The following PLA2G2E variants were observed in gnomAD, a reference collection of about 807,000 sequenced individuals.
The protein encoded by PLA2G2E is group IIE secretory phospholipase A2.
PLA2G2E carries 14 observed loss-of-function variants against 16.5 expected under a neutral mutation model. That is an observed-to-expected ratio of 0.85 (90% CI 0.56 to 1.33). The LOEUF (loss-of-function observed/expected upper bound fraction) is 1.33, where lower values mean the gene tolerates loss of function less well. Among genes scored for constraint, PLA2G2E ranks in the 40% most tolerant of loss-of-function variants. The pLI is 0.00. For missense variants in PLA2G2E, 174 were observed against 190.7 expected, an observed-to-expected ratio of 0.91 and a Z score of 0.52; for synonymous variants, 72 against 77.2, an observed-to-expected ratio of 0.93 and a Z score of 0.36.
At chr1:19,921,144 G>T (rs1356668191) in intron 3 of PLA2G2E, among the ~76,000 whole-genome samples, 1 of 152,196 alleles carries the variant, frequency 6.6e-6, no homozygotes, top group Non-Finnish European at 1.5e-5. Flanking sequence ...TTGTCCCCAT[G>T]ACTGTATCTC....
intron 1 of PLA2G2E, 26 bp from the exon 2 acceptor site, chr1:19,922,781 G>GGGCCCC: frequency 4.4e-6 from 7 of 1,609,104 alleles, no homozygotes; most frequent in South Asian, 1.1e-5. Context: ...GGGAGAGGGA[G>GGGCCCC]AGGGAGGGCC....
Position 19,920,183 on chromosome 1 carries a change from G to T in PLA2G2E, c.*124C>A, listed in dbSNP as rs1410392407. ...GGACATATCTCTGAGCTCTCAAGGA[G>T]GGATGAGTTTGCAGGAAAGGAATTT... On this transcript the variant is annotated 3_prime_UTR_variant, in exon 4 of 4. Transcript: ENST00000375116. The surrounding 1 kb of genome is among the most constrained non-coding windows in gnomAD (Gnocchi z 4.3). 2 of 776,364 alleles carry T rather than the reference G, an allele frequency of 2.6e-6. No homozygotes were observed. Among genetic ancestry groups the T allele is most frequent in the Admixed American group, 4.8e-5 (2 of 41,296 alleles). The allele number at this position is 776,364 out of a possible 1,614,324, so 48.1% of individuals were successfully genotyped here.
Position 19,922,663 on chromosome 1 carries a change from A to G in PLA2G2E, c.133T>C (p.Tyr45His). The change falls in exon 2 of 4, where the codon TAC becomes CAC. Residue 45 changes from tyrosine to histidine, a missense_variant. Tyr to His is a moderately conservative substitution (Grantham distance 83, BLOSUM62 2). Coordinates refer to ENST00000375116, the MANE Select transcript of PLA2G2E (RefSeq NM_014589.3). ...CAGTGGGAGCCACCGATGCCGCAGT[A>G]ACAGCCATAGTCGTTGTACTGCAGG... ...SALQYNDYGC[Y>H]CGIGGSHWPV... 1.2e-6 allele frequency: 2 copies of G among 1,614,048 alleles called. No homozygotes were observed. Among genetic ancestry groups the G allele is most frequent in the Non-Finnish European group, 1.7e-6 (2 of 1,179,978 alleles).
intron 1 of PLA2G2E, 26 bp from the exon 2 acceptor site, chr1:19,922,781 G>T: frequency 6.2e-7 from 1 of 1,609,106 alleles, no homozygotes. Flanking sequence ...GGGAGAGGGA[G>T]AGGGAGGGCC....
chr1:19,920,177 CAAG>C lies in PLA2G2E; in HGVS notation c.*127_*129del. 1 of 759,604 alleles carries C rather than the reference CAAG, an allele frequency of 1.3e-6. No homozygotes were observed. The highest frequency in any genetic ancestry group is 2.1e-6 in the Non-Finnish European group (1 of 468,798). The allele number at this position is 759,604 out of a possible 1,614,324, so 47.1% of individuals were successfully genotyped here. ...GGTCCAGGACATATCTCTGAGCTCT[CAAG>C]GAGGGATGAGTTTGCAGGAAAGGAA... On this transcript the variant is annotated 3_prime_UTR_variant, in exon 4 of 4. Transcript: ENST00000375116. This position sits in a 1 kb window ranked among gnomAD's most constrained non-coding sequence, Gnocchi z 4.3.
intron 2 of PLA2G2E, 22 bp downstream of exon 2, chr1:19,922,595 C>G: frequency 6.2e-7 from 1 of 1,613,226 alleles, no homozygotes; most frequent in Non-Finnish European, 8.5e-7. Flanking sequence ...CATGGAGGTC[C>G]CCCTGCAGGC....
At chr1:19,921,673 C>G (rs992725039) in intron 3 of PLA2G2E, among the ~76,000 whole-genome samples, 5 of 152,268 alleles carry the variant, frequency 3.3e-5, no homozygotes, top group African/African-American at 1.2e-4. Flanking sequence ...ATCCGCCCAC[C>G]AGGCCCTGCC....
rs941879938 is a variant in PLA2G2E at position 19,920,600 on chromosome 1, A to G, written c.287-151T>C. The G allele has an allele frequency of 1.4e-6, 1 of 739,594 alleles. No individual in the cohort carries two copies. The highest frequency in any genetic ancestry group is 1.8e-5 in the African/African-American group (1 of 56,812). 45.8% of individuals were successfully genotyped at this position (739,594 alleles called of 1,614,324 possible). A position where few individuals can be genotyped will look rare whatever the true frequency, so the allele number is the denominator to read the frequency against. ...GGGTTGTTTCACGGATGGGTGAGACAAGAGACAAGGGCGGGGCGCACTGTG... is the reference window on the plus strand; with the variant it reads ...GGGTTGTTTCACGGATGGGTGAGACGAGAGACAAGGGCGGGGCGCACTGTG... On this transcript the variant is annotated intron_variant, in intron 3 of 3. Coordinates refer to ENST00000375116, the MANE Select transcript of PLA2G2E (RefSeq NM_014589.3). The surrounding 1 kb of genome is among the most constrained non-coding windows in gnomAD (Gnocchi z 4.3).
Position 19,922,643 on chromosome 1 carries a change from G to C in PLA2G2E, c.153C>G (p.Ser51=). ...DYGCYCGIGG[S]HWPVDQTDWC... ...AGTCAGTCTGGTCCACCGGCCAGTGGGAGCCACCGATGCCGCAGTAACAGC... is the reference window on the plus strand; with the variant it reads ...AGTCAGTCTGGTCCACCGGCCAGTGCGAGCCACCGATGCCGCAGTAACAGC... Residue 51 remains serine, a synonymous_variant, in exon 2 of 4, where the codon TCC becomes TCG. Coordinates refer to ENST00000375116, the MANE Select transcript of PLA2G2E (RefSeq NM_014589.3). The C allele has an allele frequency of 6.2e-7, 1 of 1,614,050 alleles. No homozygotes were observed. The highest frequency in any genetic ancestry group is 1.1e-5 in the South Asian group (1 of 91,076).
Position 19,922,700 on chromosome 1 carries a change from T to C in PLA2G2E, c.96A>G (p.Thr32=). Reference sequence around the variant, plus strand: ...CGTTGTACTGCAGGGCGGACTTGCCTGTCATCTTCTCGATCATCACCCCAA... The same window carrying C: ...CGTTGTACTGCAGGGCGGACTTGCCCGTCATCTTCTCGATCATCACCCCAA... ...VQFGVMIEKM[T]GKSALQYNDY... Residue 32 remains threonine (T), a synonymous_variant, in exon 2 of 4, where the codon ACA becomes ACG. Coordinates refer to ENST00000375116, the MANE Select transcript of PLA2G2E (RefSeq NM_014589.3). 1 of 1,614,010 alleles carries C rather than the reference T, an allele frequency of 6.2e-7. No homozygotes were observed.
Position 19,920,264 on chromosome 1 carries a change from C to T in PLA2G2E, c.*43G>A, listed in dbSNP as rs1485137325. On this transcript the variant is annotated 3_prime_UTR_variant, in exon 4 of 4. Coordinates refer to ENST00000375116, the MANE Select transcript of PLA2G2E (RefSeq NM_014589.3). This position sits in a 1 kb window ranked among gnomAD's most constrained non-coding sequence, Gnocchi z 4.3. The stretch of plus-strand genomic sequence containing the variant: ...CCCCAGGCCTGGGACTACAGCAGCC[C>T]GAGGCGGGACCTCCAGGGACGGGGG... 6.3e-6 allele frequency: 10 copies of T among 1,577,632 alleles called. No individual in the cohort carries two copies. Among genetic ancestry groups the T allele is most frequent in the East Asian group, 2.2e-5 (1 of 44,486 alleles).
intron 1 of PLA2G2E, among the ~76,000 whole-genome samples, 161 bp downstream of exon 1, chr1:19,923,359 C>G (rs1219658990): frequency 1.3e-5 from 2 of 152,242 alleles, no homozygotes; most frequent in African/African-American, 2.4e-5. Context: ...CCACCGCTGG[C>G]TCAGGCAAAA....
rs139719874 is a variant in PLA2G2E, at chr1:19,922,657, C to T, written c.139G>A (p.Gly47Ser). ...LQYNDYGCYC[G>S]IGGSHWPVDQ... ...ACCGGCCAGTGGGAGCCACCGATGC[C>T]GCAGTAACAGCCATAGTCGTTGTAC... Residue 47 changes from glycine to serine, a missense_variant, in exon 2 of 4, where the codon GGC (glycine) becomes AGC (serine). Transcript: ENST00000375116. 3.6e-5 allele frequency: 58 copies of T among 1,614,078 alleles called. No individual in the cohort carries two copies. In the African/African-American group the frequency reaches 6.5e-4, roughly 18 times the overall value.
Position 19,920,123 on chromosome 1 carries a change from G to A in PLA2G2E, c.*184C>T. The stretch of plus-strand genomic sequence containing the variant: ...CTCCTGGGGCAGGGTTCTTTCTACA[G>A]AGAAGGGGTAGCCTGGGAGGCTAGT... On this transcript the variant is annotated 3_prime_UTR_variant, in exon 4 of 4. Coordinates refer to ENST00000375116, the MANE Select transcript of PLA2G2E (RefSeq NM_014589.3). The surrounding 1 kb of genome is among the most constrained non-coding windows in gnomAD (Gnocchi z 4.3). 1 of 593,430 alleles carries A rather than the reference G, an allele frequency of 1.7e-6. No homozygotes were observed. The highest frequency in any genetic ancestry group is 2.9e-6 in the Non-Finnish European group (1 of 339,538). The allele number at this position is 593,430 out of a possible 1,614,324, so 36.8% of individuals were successfully genotyped here. A position where few individuals can be genotyped will look rare whatever the true frequency, so the allele number is the denominator to read the frequency against.
rs1176320005 is a variant in PLA2G2E, at chr1:19,920,920, C to A, written c.287-471G>T. 6.6e-6 allele frequency among the ~76,000 whole-genome samples: 1 copy of A among 152,218 alleles called. No homozygotes were observed. Among genetic ancestry groups the A allele is most frequent in the Non-Finnish European group, 1.5e-5 (1 of 68,042 alleles). On this transcript the variant is annotated intron_variant, in intron 3 of 3. Transcript: ENST00000375116. The surrounding 1 kb of genome is among the most constrained non-coding windows in gnomAD (Gnocchi z 4.3). ...GGCCTAGGCTGGAAGCCACTGGGAC[C>A]AAAGCTGGAGGCTGCTCAGGGCCCT...
Position 19,920,339 on chromosome 1 carries a change from T to C in PLA2G2E, c.397A>G (p.Lys133Glu), listed in dbSNP as rs772571269. 4 of 1,612,970 alleles carry C rather than the reference T, an allele frequency of 2.5e-6. No homozygotes were observed. Among genetic ancestry groups the C allele is most frequent in the Non-Finnish European group, 3.4e-6 (4 of 1,179,724 alleles). The part of the protein sequence containing the change: ...YNRKYAHYPN[K>E]LCTGPTPPC The stretch of plus-strand genomic sequence containing the variant: ...GGCGGGGTGGGCCCGGTGCACAGCT[T>C]GTTGGGATAATGGGCATATTTGCGG... The change falls in exon 4 of 4, where the codon AAG (lysine) becomes GAG (glutamate). Residue 133 changes from lysine to glutamate, a missense_variant. Lys to Glu is a moderately conservative substitution (Grantham distance 56, BLOSUM62 1). Coordinates refer to ENST00000375116, the MANE Select transcript of PLA2G2E (RefSeq NM_014589.3). This position sits in a 1 kb window ranked among gnomAD's most constrained non-coding sequence, Gnocchi z 4.3.
rs754509470 is a variant in PLA2G2E at position 19,922,679 on chromosome 1, G to A, written c.117C>T (p.Tyr39=). 2.5e-6 allele frequency: 4 copies of A among 1,613,932 alleles called. No individual in the cohort carries two copies. In the African/African-American group the frequency reaches 5.3e-5, roughly 22 times the overall value. The change falls in exon 2 of 4, where the codon TAC becomes TAT. Residue 39 remains tyrosine (Y), a synonymous_variant. Transcript: ENST00000375116. ...EKMTGKSALQ[Y]NDYGCYCGIG... The stretch of plus-strand genomic sequence containing the variant: ...TGCCGCAGTAACAGCCATAGTCGTT[G>A]TACTGCAGGGCGGACTTGCCTGTCA...
chr1:19,922,163 G>T (rs1032867679), intron 3 of PLA2G2E, 135 bp downstream of exon 3: 5 of 637,840 alleles, frequency 7.8e-6, no homozygotes, highest in Non-Finnish European at 1.4e-5. Context: ...GTGGTAACGG[G>T]AAACCCCATG....
chr1:19,920,227 G>T lies in PLA2G2E; in HGVS notation c.*80C>A. 1 of 1,264,680 alleles carries T rather than the reference G, an allele frequency of 7.9e-7. No individual in the cohort carries two copies. The highest frequency in any genetic ancestry group is 1.1e-6 in the Non-Finnish European group (1 of 901,486). The allele number at this position is 1,264,680 out of a possible 1,614,324, so 78.3% of individuals were successfully genotyped here. A position where few individuals can be genotyped will look rare whatever the true frequency, so the allele number is the denominator to read the frequency against. Reference sequence around the variant, plus strand: ...GGAATTTTCCAAAGGGAGGGCCTTTGGTGCCAATGTTCCCCAGGCCTGGGA... The same window carrying T: ...GGAATTTTCCAAAGGGAGGGCCTTTTGTGCCAATGTTCCCCAGGCCTGGGA... On this transcript the variant is annotated 3_prime_UTR_variant, in exon 4 of 4. Transcript: ENST00000375116. This position sits in a 1 kb window ranked among gnomAD's most constrained non-coding sequence, Gnocchi z 4.3.
Sources: allele counts gnomAD v4.1 joint callset (sites outside exome capture counted in the v4.1 genomes callset), GRCh38; gene constraint gnomAD v4.1.1; non-coding constraint Gnocchi (gnomAD v3.1); transcripts MANE v1.5; gene names NCBI Gene and HGNC (gene_info 2026-07-23, HGNC 2026-07-21).